Variants in ADCY8 observed in about 807,000 individuals in gnomAD.
The protein encoded by ADCY8 is adenylate cyclase 8.
In ADCY8, 51 loss-of-function variants were observed where a neutral mutation model predicts 119.7. That is an observed-to-expected ratio of 0.43 (90% confidence interval 0.34 to 0.54). The LOEUF (loss-of-function observed/expected upper bound fraction) is 0.54, where lower values mean the gene tolerates loss of function less well. ADCY8 is among the 20% of genes least tolerant of loss of function. ADCY8 has a pLI of 0.03. For missense variants in ADCY8, 1,383 were observed against 1,598.8 expected (o/e 0.87, Z 2.30); for synonymous variants, 665 against 651.0 (o/e 1.02, Z -0.33).
intron 7 of ADCY8, among the ~76,000 whole-genome samples, chr8:130,893,554 G>A (rs750502956): frequency 6.6e-6 from 1 of 152,082 alleles, no homozygotes; most frequent in Non-Finnish European, 1.5e-5. Context: ...TTTAGCTCAG[G>A]AAATGAATAA....
intron 1 of ADCY8, among the ~76,000 whole-genome samples, chr8:131,030,025 C>T (rs1047363416): frequency 1.3e-5 from 2 of 152,158 alleles, no homozygotes; most frequent in Non-Finnish European, 2.9e-5. Context: ...CCTCAAGGGG[C>T]TCATAGTCTG....
chr8:130,907,350 A>G lies in ADCY8; in HGVS notation c.1640+2358T>C, dbSNP rs538280534. On this transcript the variant is annotated intron_variant, in intron 6 of 17. Coordinates refer to ENST00000286355, the MANE Select transcript of ADCY8 (RefSeq NM_001115.3). ...CCAAGGCTCAGTGGTGTTAAAGAAGAAGACAATAAAAAAGTGGAAAAATAT... is the reference window on the plus strand; with the variant it reads ...CCAAGGCTCAGTGGTGTTAAAGAAGGAGACAATAAAAAAGTGGAAAAATAT... Among the ~76,000 whole-genome samples, 6 of 151,462 alleles carry G rather than the reference A, an allele frequency of 4.0e-5. No individual in the cohort carries two copies. The South Asian group carries it at 8.3e-4, about 21-fold the overall frequency.
intron 12 of ADCY8, among the ~76,000 whole-genome samples, chr8:130,823,560 TAGAA>T (rs1373311276): frequency 3.2e-4 from 48 of 152,292 alleles, no homozygotes; most frequent in Middle Eastern, 3.4e-3. Context: ...TTTATGCTAA[TAGAA>T]AGGAACATTC....
chr8:130,962,528 T>A (rs1047671880), intron 2 of ADCY8, among the ~76,000 whole-genome samples: 1 of 152,226 alleles, frequency 6.6e-6, no homozygotes, highest in Non-Finnish European at 1.5e-5. Context: ...TGGATTCCCC[T>A]CTCATCTCAC....
intron 15 of ADCY8, among the ~76,000 whole-genome samples, chr8:130,795,009 AG>A (rs146627203): frequency 0.011 from 1,649 of 152,302 alleles, 33 homozygotes; most frequent in African/African-American, 0.038. Context: ...AGATCACCTA[AG>A]GTCAGGAGTT....
chr8:130,943,497 G>GGCTCACC, intron 3 of ADCY8, 35 bp from the exon 4 acceptor site: 1 of 491,356 alleles, frequency 2.0e-6, no homozygotes, highest in Non-Finnish European at 4.2e-6. Context: ...GTGGGGGGAG[G>GGCTCACC]AAGTATATTA....
intron 12 of ADCY8, among the ~76,000 whole-genome samples, chr8:130,821,980 G>A (rs143815025): frequency 6.6e-6 from 1 of 152,284 alleles, no homozygotes; most frequent in Non-Finnish European, 1.5e-5. Context: ...AACAATAGAT[G>A]ATACTAATTA....
chr8:130,850,260 T>C lies in ADCY8; in HGVS notation c.2211-457A>G, dbSNP rs117052544. On this transcript the variant is annotated intron_variant, in intron 9 of 17. Transcript: ENST00000286355. ...TTGCTCAGGTTGGTTCCTGGTTTTG[T>C]GGTTTTCATGGACTATACCATAAGT... is the stretch of plus-strand genomic sequence containing the variant. 9.6e-3 allele frequency among the ~76,000 whole-genome samples: 1,461 copies of C among 152,258 alleles called. 23 individuals carry two copies. The highest frequency in any genetic ancestry group is 0.029 in the African/African-American group (1,200 of 41,552).
At chr8:130,882,744 G>A (rs1221481261) in intron 8 of ADCY8, among the ~76,000 whole-genome samples, 3 of 152,192 alleles carry the variant, frequency 2.0e-5, no homozygotes, top group African/African-American at 7.2e-5. Context: ...CTTAGAAATA[G>A]TGCCTGGTAC....
intron 1 of ADCY8, among the ~76,000 whole-genome samples, chr8:131,013,980 T>A (rs7460735): frequency 6.6e-6 from 1 of 152,154 alleles, no homozygotes; most frequent in Non-Finnish European, 1.5e-5. Context: ...GAAAAAATGG[T>A]TTGTTAAGTA....
intron 2 of ADCY8, among the ~76,000 whole-genome samples, chr8:130,970,138 G>C (rs1314681192): frequency 6.6e-5 from 10 of 152,136 alleles, no homozygotes; most frequent in African/African-American, 2.2e-4. Flanking sequence ...CTGCTCCCTA[G>C]ATCAGCAGTC....
intron 3 of ADCY8, among the ~76,000 whole-genome samples, chr8:130,949,118 C>T (rs994254936): frequency 5.3e-5 from 8 of 151,440 alleles, no homozygotes; most frequent in Non-Finnish European, 1.2e-4. Flanking sequence ...GGGTCTCCAG[C>T]ACAAGAACTC....
intron 4 of ADCY8, among the ~76,000 whole-genome samples, chr8:130,941,209 G>A (rs1469474496): frequency 6.6e-6 from 1 of 152,116 alleles, no homozygotes; most frequent in Non-Finnish European, 1.5e-5. Context: ...CCCTAGGATG[G>A]CCTCTTCTCG....
chr8:130,980,884 A>G (rs1202567493), intron 2 of ADCY8, among the ~76,000 whole-genome samples: 5 of 152,030 alleles, frequency 3.3e-5, no homozygotes, highest in African/African-American at 1.2e-4. Flanking sequence ...TGGCCTCCCT[A>G]CCCCACTTAA....
chr8:130,960,073 A>G (rs967091351), intron 2 of ADCY8, among the ~76,000 whole-genome samples: 4 of 152,236 alleles, frequency 2.6e-5, no homozygotes, highest in African/African-American at 9.6e-5. Flanking sequence ...TAATGTAATC[A>G]TCCAGGCAGG....
intron 11 of ADCY8, among the ~76,000 whole-genome samples, chr8:130,841,949 T>C (rs531055384): frequency 1.3e-5 from 2 of 152,312 alleles, no homozygotes; most frequent in African/African-American, 4.8e-5. Flanking sequence ...CTGCAGAATG[T>C]CGAGCAAGGA....
chr8:130,927,054 C>T (rs1389643420), intron 5 of ADCY8, among the ~76,000 whole-genome samples: 1 of 151,910 alleles, frequency 6.6e-6, no homozygotes, highest in East Asian at 1.9e-4. Context: ...CTGCAATAAA[C>T]ATGGGAATGC....
intron 9 of ADCY8, among the ~76,000 whole-genome samples, chr8:130,858,175 T>C (rs1817809242): frequency 7.9e-6 from 1 of 126,362 alleles, no homozygotes; most frequent in African/African-American, 3.3e-5. Context: ...TCTCCAAAAT[T>C]GTTTTTTAAA....
At chr8:130,802,757 C>A (rs970705581) in intron 14 of ADCY8, among the ~76,000 whole-genome samples, 1 of 152,224 alleles carries the variant, frequency 6.6e-6, no homozygotes, top group Non-Finnish European at 1.5e-5. Flanking sequence ...TTCTTCTCCG[C>A]TAGATGGTGT....
Sources: allele counts gnomAD v4.1 joint callset (sites outside exome capture counted in the v4.1 genomes callset), GRCh38; gene constraint gnomAD v4.1.1; transcripts MANE v1.5; gene names NCBI Gene and HGNC (gene_info 2026-07-23, HGNC 2026-07-21).